The following POTEI variants were observed in gnomAD, a reference collection of about 807,000 sequenced individuals.
The protein encoded by POTEI is POTE ankyrin domain family, member I.
POTEI carries 14 observed loss-of-function variants against 43.4 expected under a neutral mutation model. That is an observed-to-expected ratio of 0.32 (90% CI 0.21 to 0.50). POTEI has a LOEUF of 0.50. POTEI is among the 20% of genes least tolerant of loss of function. The pLI, the probability that POTEI is intolerant of heterozygous loss-of-function variation, is 0.98. For missense variants in POTEI, 235 were observed against 795.4 expected (o/e 0.30, Z 8.47); for synonymous variants, 95 against 297.9 (o/e 0.32, Z 7.01).
At chr2:130,468,580 A>C (rs1682932106) in intron 13 of POTEI, among the ~76,000 whole-genome samples, 1 of 152,034 alleles carries the variant, frequency 6.6e-6, no homozygotes, top group African/African-American at 2.4e-5. Context: ...CTCACTCACT[A>C]TCACAAGAAC....
At chr2:130,474,204 T>A (rs572052443) in intron 13 of POTEI, among the ~76,000 whole-genome samples, 174 bp downstream of exon 13, 64 of 150,376 alleles carry the variant, frequency 4.3e-4, no homozygotes, top group African/African-American at 1.6e-3. Context: ...AATAAATTAA[T>A]GACTGGAAAA....
At position 130,461,000 on chromosome 2, in the gene POTEI, C is replaced by T. The variant is rs1682615546; in HGVS notation, c.*1816G>A. 6.7e-6 allele frequency: 1 copy of T among 148,660 alleles called. No individual in the cohort carries two copies. The highest frequency in any genetic ancestry group is 2.1e-4 in the South Asian group (1 of 4,794). The allele number at this position is 148,660 out of a possible 1,614,324, so 9.2% of individuals were successfully genotyped here. On this transcript the variant is annotated 3_prime_UTR_variant, in exon 15 of 15. Transcript: ENST00000451531. ...GCTGCTGTGGTATGCTGGGGGTCCC[C>T]TCCAGTCCCTAATTGCCTTGTATTT...
At chr2:130,477,386 G>A (rs1360518394) in intron 10 of POTEI, among the ~76,000 whole-genome samples, 5 of 148,430 alleles carry the variant, frequency 3.4e-5, no homozygotes, top group Middle Eastern at 3.4e-3. Context: ...TCCTGACCTC[G>A]TGATCCCCTC....
chr2:130,464,595 A>T (rs1682778725), intron 14 of POTEI, among the ~76,000 whole-genome samples: 1 of 151,092 alleles, frequency 6.6e-6, no homozygotes, highest in African/African-American at 2.5e-5. Flanking sequence ...CTATGCATAT[A>T]TTTGGACAGA....
intron 6 of POTEI, among the ~76,000 whole-genome samples, chr2:130,493,599 T>C (rs1455262333): frequency 7.5e-5 from 3 of 40,038 alleles, no homozygotes; most frequent in African/African-American, 2.0e-4. Context: ...CCAGGTTAAA[T>C]ACTACTGTAC....
At chr2:130,464,640 GA>G (rs1283986906) in intron 14 of POTEI, among the ~76,000 whole-genome samples, 1 of 151,306 alleles carries the variant, frequency 6.6e-6, no homozygotes, top group Non-Finnish European at 1.5e-5. Context: ...TTCTTTTACT[GA>G]AGAACATTTT....
At chr2:130,471,161 C>T (rs74925772) in intron 13 of POTEI, among the ~76,000 whole-genome samples, 1,706 of 7,438 alleles carry the variant, frequency 0.23, 254 homozygotes, top group Non-Finnish European at 0.54. Context: ...AAAGGGGAAG[C>T]TTTTAAAAAC....
rs565587278 is a variant in POTEI, at chr2:130,492,807, C to T, written c.1127-2067G>A. ...GAAGGTGATTTCTAAAGTTATAGTG[C>T]CTATGAATTTAACTAATAATTGTGA... On this transcript the variant is annotated intron_variant, in intron 6 of 14. Transcript: ENST00000451531. Among the ~76,000 whole-genome samples, 10 of 134,406 alleles carry T rather than the reference C, an allele frequency of 7.4e-5. No homozygotes were observed. The East Asian group carries it at 1.7e-3, about 23-fold the overall frequency. The allele number at this position is 134,406 out of a possible 152,430, so 88.2% of individuals were successfully genotyped here.
chr2:130,494,048 C>A lies in POTEI; in HGVS notation c.1126+2504G>T, dbSNP rs1387736733. On this transcript the variant is annotated intron_variant, in intron 6 of 14. Transcript: ENST00000451531. ...GTAAAGAACCTTCCATCAATCCCAG[C>A]AAACTATAGGCCACAGGCCAAATCC... is the stretch of plus-strand genomic sequence containing the variant. Among the ~76,000 whole-genome samples the A allele has an allele frequency of 1.2e-3, 51 of 42,710 alleles. 14 individuals carry two copies. Among genetic ancestry groups the A allele is most frequent in the African/African-American group, 2.7e-3 (47 of 17,732 alleles). 28.0% of individuals were successfully genotyped at this position (42,710 alleles called of 152,430 possible).
intron 10 of POTEI, among the ~76,000 whole-genome samples, chr2:130,477,045 A>G (rs543348326): frequency 6.7e-6 from 1 of 149,660 alleles, no homozygotes; most frequent in East Asian, 1.9e-4. Flanking sequence ...ATAGTACCTT[A>G]TAAATGATTT....
At chr2:130,477,211 A>G (rs1464913711) in intron 10 of POTEI, among the ~76,000 whole-genome samples, 5 of 145,478 alleles carry the variant, frequency 3.4e-5, no homozygotes, top group Non-Finnish European at 6.0e-5. Flanking sequence ...GCTGGAATGC[A>G]GTGGCATGAT....
At position 130,463,639 on chromosome 2, in the gene POTEI, G is replaced by C. The variant is rs773580422; in HGVS notation, c.2405C>G (p.Pro802Arg). ...CAGGGGGGCCTCGGTCAGCAGGATG[G>C]GGTGCTCCTCAGGGGCCACACGCAG... Reference protein sequence around the residue: ...NELRVAPEEHPILLTEAPLNP... With the variant: ...NELRVAPEEHRILLTEAPLNP... The change falls in exon 15 of 15, where the codon CCC (proline) becomes CGC (arginine). Residue 802 changes from proline (P) to arginine (R), a missense_variant. Pro to Arg is a moderately radical substitution (Grantham distance 103). Coordinates refer to ENST00000451531, the MANE Select transcript of POTEI (RefSeq NM_001277406.2). 1 of 1,607,514 alleles carries C rather than the reference G, an allele frequency of 6.2e-7. No individual in the cohort carries two copies. Among genetic ancestry groups the C allele is most frequent in the East Asian group, 2.3e-5 (1 of 42,960 alleles).
chr2:130,496,860 C>T (rs1323639485), intron 5 of POTEI, among the ~76,000 whole-genome samples: 2 of 79,046 alleles, frequency 2.5e-5, no homozygotes, highest in South Asian at 1.8e-3. Context: ...AGTAAATTAG[C>T]TAGCATTAGC....
intron 13 of POTEI, among the ~76,000 whole-genome samples, chr2:130,467,980 G>A (rs1218792379): frequency 4.6e-4 from 61 of 132,302 alleles, no homozygotes; most frequent in African/African-American, 1.3e-3. Flanking sequence ...TGGTGTGGAC[G>A]CGGTGAAAAG....
At chr2:130,477,502 A>C (rs530642786) in intron 10 of POTEI, among the ~76,000 whole-genome samples, 6 of 150,730 alleles carry the variant, frequency 4.0e-5, no homozygotes, top group Non-Finnish European at 8.8e-5. Flanking sequence ...TCTTTCCCCA[A>C]ATAAACAGGT....
At position 130,461,507 on chromosome 2, in the gene POTEI, T is replaced by C. The variant is rs1350097606; in HGVS notation, c.*1309A>G. The C allele has an allele frequency of 2.6e-5, 4 of 152,246 alleles. No homozygotes were observed. Among genetic ancestry groups the C allele is most frequent in the African/African-American group, 9.7e-5 (4 of 41,426 alleles). 9.4% of individuals were successfully genotyped at this position (152,246 alleles called of 1,614,324 possible). A position where few individuals can be genotyped will look rare whatever the true frequency, so the allele number is the denominator to read the frequency against. On this transcript the variant is annotated 3_prime_UTR_variant, in exon 15 of 15. Coordinates refer to ENST00000451531, the MANE Select transcript of POTEI (RefSeq NM_001277406.2). ...GGCTGTGCTGTGCTGAGGTACCTCTTCCACCCCTTGTCAGCTTGGGCTCTC... is the reference window on the plus strand; with the variant it reads ...GGCTGTGCTGTGCTGAGGTACCTCTCCCACCCCTTGTCAGCTTGGGCTCTC...
At chr2:130,507,213 G>A (rs1684181724) in intron 1 of POTEI, among the ~76,000 whole-genome samples, 1 of 78,148 alleles carries the variant, frequency 1.3e-5, no homozygotes, top group Admixed American at 1.5e-4. Context: ...GCAGTGAGCC[G>A]AGATCACACC....
intron 6 of POTEI, among the ~76,000 whole-genome samples, chr2:130,493,036 G>A (rs903906920): frequency 7.7e-6 from 1 of 130,548 alleles, no homozygotes; most frequent in Non-Finnish European, 1.7e-5. Context: ...TTTAAAGGAA[G>A]AACACAAAAA....
intron 10 of POTEI, among the ~76,000 whole-genome samples, chr2:130,479,290 A>T (rs1422760043): frequency 6.6e-6 from 1 of 151,270 alleles, no homozygotes; most frequent in African/African-American, 2.5e-5. Context: ...AATTAAGCAA[A>T]ACAAGTGAAA....
Sources: allele counts gnomAD v4.1 joint callset (sites outside exome capture counted in the v4.1 genomes callset), GRCh38; gene constraint gnomAD v4.1.1; transcripts MANE v1.5; gene names NCBI Gene and HGNC (gene_info 2026-07-23, HGNC 2026-07-21).